Variants in BBOF1 observed in about 807,000 individuals in gnomAD.
BBOF1 encodes basal body-orientation factor 1.
Under a neutral mutation model 68.0 loss-of-function variants are expected in BBOF1, and 62 were observed. The ratio of observed to expected loss-of-function variants is 0.91; its 90% confidence interval spans 0.74 to 1.13. The LOEUF is 1.13. BBOF1 is among the 50% of genes most tolerant of loss of function. The pLI, the probability that BBOF1 is intolerant of heterozygous loss-of-function variation, is 0.00. For synonymous variants in BBOF1, 208 were observed against 198.8 expected, an observed-to-expected ratio of 1.05 and a Z score of -0.39; for missense variants, 534 against 600.1, an observed-to-expected ratio of 0.89 and a Z score of 1.15.
At chr14:74,066,679 A>G (rs754404283), downstream of BBOF1, 1 of 1,609,284 alleles carries the variant, frequency 6.2e-7, no homozygotes, top group East Asian at 2.2e-5. Context: ...TTCAGCTCTC[A>G]TATTTGTGAA....
Position 74,029,165 on chromosome 14 carries a change from G to A in BBOF1, c.286-19G>A. The stretch of plus-strand genomic sequence containing the variant: ...GCAGTTTCTTTATCTTCATGACCCT[G>A]TATTTTGATTTTCAACAGATTGAAA... On this transcript the variant is annotated intron_variant, in intron 2 of 11. Transcript: ENST00000394009. 1.3e-6 allele frequency: 2 copies of A among 1,502,660 alleles called. No homozygotes were observed. Among genetic ancestry groups the A allele is most frequent in the Non-Finnish European group, 1.8e-6 (2 of 1,101,802 alleles). The allele number at this position is 1,502,660 out of a possible 1,614,324, so 93.1% of individuals were successfully genotyped here. A position where few individuals can be genotyped will look rare whatever the true frequency, so the allele number is the denominator to read the frequency against.
intron 11 of BBOF1, chr14:74,060,821 A>C: frequency 9.1e-7 from 1 of 1,104,186 alleles, no homozygotes; most frequent in South Asian, 1.3e-5. Flanking sequence ...CTTTTGAAGG[A>C]GGTATTATAA....
intron 7 of BBOF1, among the ~76,000 whole-genome samples, chr14:74,049,364 A>G (rs73303156): frequency 2.3e-3 from 309 of 134,432 alleles, no homozygotes; most frequent in African/African-American, 8.2e-3. Flanking sequence ...GGAACTTCCT[A>G]AGTTCTGGAA....
intron 9 of BBOF1, chr14:74,072,079 G>T: frequency 6.4e-7 from 1 of 1,562,940 alleles, no homozygotes; most frequent in South Asian, 1.1e-5. Flanking sequence ...GTACAAGGGA[G>T]AGAGTCATGA....
intron 4 of BBOF1, among the ~76,000 whole-genome samples, chr14:74,036,964 T>C (rs1431554922): frequency 7.0e-6 from 1 of 142,648 alleles, no homozygotes; most frequent in Non-Finnish European, 1.5e-5. Flanking sequence ...CTTTTTTTTT[T>C]TCTTTTTTCT....
intron 1 of BBOF1, among the ~76,000 whole-genome samples, chr14:74,019,860 T>A (rs1215443539): frequency 6.6e-6 from 1 of 152,202 alleles, no homozygotes; most frequent in Non-Finnish European, 1.5e-5. Context: ...CTGAGGTGGG[T>A]AATGTTCTAG....
chr14:74,079,289 C>T (rs1454206791), intron 10 of BBOF1, among the ~76,000 whole-genome samples: 1 of 151,648 alleles, frequency 6.6e-6, no homozygotes, highest in African/African-American at 2.4e-5. Flanking sequence ...CCTGCCTGCA[C>T]TCAATGGAGT....
chr14:74,050,221 T>C (rs771271192), intron 8 of BBOF1, 26 bp downstream of exon 8: 96 of 1,507,886 alleles, frequency 6.4e-5, no homozygotes, highest in Non-Finnish European at 8.1e-5. Context: ...TATTATTATC[T>C]TTTTGCTGCT....
downstream of BBOF1, chr14:74,066,590 G>T: frequency 9.2e-7 from 1 of 1,086,698 alleles, no homozygotes; most frequent in Non-Finnish European, 1.4e-6. Context: ...GATCAATCCT[G>T]GCAAGAGATA....
chr14:74,042,100 C>T (rs1167603489), intron 5 of BBOF1, among the ~76,000 whole-genome samples: 2 of 152,184 alleles, frequency 1.3e-5, no homozygotes, highest in South Asian at 2.1e-4. Context: ...GTCTCGAACT[C>T]CTGGGCTCCA....
Position 74,023,120 on chromosome 14 carries a change from G to T in BBOF1, c.261G>T (p.Lys87Asn). The change falls in exon 2 of 12, where the codon AAG becomes AAT. Residue 87 changes from lysine (K) to asparagine (N), a missense_variant. By Grantham distance (94) the Lys-to-Asn change is moderately conservative. Transcript: ENST00000394009. ...DIMSVLSYLK[K>N]QDQEKDNMIE... Reference sequence around the variant, plus strand: ...TGTCAGTATTAAGTTACCTGAAGAAGCAGGATCAGGAGAAAGATAATATGG... The same window carrying T: ...TGTCAGTATTAAGTTACCTGAAGAATCAGGATCAGGAGAAAGATAATATGG... 1 of 1,585,322 alleles carries T rather than the reference G, an allele frequency of 6.3e-7. No individual in the cohort carries two copies. Among genetic ancestry groups the T allele is most frequent in the Non-Finnish European group, 8.6e-7 (1 of 1,164,760 alleles).
chr14:74,079,497 G>T (rs1174541032), intron 10 of BBOF1, among the ~76,000 whole-genome samples: 4 of 149,980 alleles, frequency 2.7e-5, no homozygotes, highest in African/African-American at 9.9e-5. Context: ...GCAGTTGCGC[G>T]ATCTTGGCTC....
downstream of BBOF1, among the ~76,000 whole-genome samples, chr14:74,070,453 C>G (rs1040438024): frequency 1.3e-5 from 2 of 151,914 alleles, no homozygotes; most frequent in Non-Finnish European, 2.9e-5. Context: ...TGGGAGGCAG[C>G]GGGTAGAGTG....
At chr14:74,081,119 T>C (rs1482444980) in exon 11 of BBOF1, 1 of 152,204 alleles carries the variant, frequency 6.6e-6, no homozygotes, top group African/African-American at 2.4e-5. Context: ...CTCAGGTCTA[T>C]GGTAAGCAGC....
At chr14:74,067,173 C>G (rs2060479945), downstream of BBOF1, among the ~76,000 whole-genome samples, 1 of 152,046 alleles carries the variant, frequency 6.6e-6, no homozygotes, top group South Asian at 2.1e-4. Context: ...AGGATGGTGC[C>G]ACTGCACTCC....
chr14:74,065,500 C>A lies in BBOF1; in HGVS notation c.*801C>A. ...CTAATCTCTTTTCATTTCAAATCACCTATTTAAAAAAAAAGTCCTCTCTCA... is the reference window on the plus strand; with the variant it reads ...CTAATCTCTTTTCATTTCAAATCACATATTTAAAAAAAAAGTCCTCTCTCA... On this transcript the variant is annotated 3_prime_UTR_variant, in exon 12 of 12. Transcript: ENST00000394009. The A allele has an allele frequency of 1.2e-6, 1 of 827,118 alleles. No homozygotes were observed. Among genetic ancestry groups the A allele is most frequent in the African/African-American group, 1.7e-5 (1 of 58,060 alleles). 51.2% of individuals were successfully genotyped at this position (827,118 alleles called of 1,614,324 possible).
At chr14:74,024,870 T>C (rs960550252) in intron 2 of BBOF1, among the ~76,000 whole-genome samples, 2 of 152,208 alleles carry the variant, frequency 1.3e-5, no homozygotes, top group African/African-American at 4.8e-5. Context: ...CCCAAAGTGC[T>C]GACATTACAG....
intron 2 of BBOF1, among the ~76,000 whole-genome samples, chr14:74,027,150 G>A (rs1424397247): frequency 5.7e-5 from 8 of 139,322 alleles, no homozygotes; most frequent in Admixed American, 3.8e-4. Flanking sequence ...GCAGTGGTGC[G>A]ATCTTGGCTC....
chr14:74,031,941 T>C (rs182000082), intron 3 of BBOF1: 10 of 152,252 alleles, frequency 6.6e-5, no homozygotes, highest in Non-Finnish European at 1.5e-4. Flanking sequence ...TTGGCCATTA[T>C]ATCGTTGGGA....
Sources: gnomAD v4.1 joint callset for allele counts (sites outside exome capture counted in the v4.1 genomes callset) on GRCh38, gnomAD v4.1.1 for gene constraint, MANE v1.5 for transcripts, NCBI Gene and HGNC (gene_info 2026-07-23, HGNC 2026-07-21) for gene names.